The following PDE8A variants were observed in gnomAD, a reference collection of about 807,000 sequenced individuals.
PDE8A encodes high affinity cAMP-specific and IBMX-insensitive 3',5'-cyclic phosphodiesterase 8A.
A neutral mutation model predicts 105.0 loss-of-function variants in PDE8A; 59 were observed. The ratio of observed to expected loss-of-function variants is 0.56; its 90% CI spans 0.46 to 0.70. The LOEUF is 0.70. Ranked by LOEUF, PDE8A falls within the 30% of genes least tolerant of loss-of-function variation. PDE8A has a pLI of 0.00. For synonymous variants in PDE8A, 355 were observed against 371.9 expected, an observed-to-expected ratio of 0.95 and a Z score of 0.52; for missense variants, 1,014 against 1,045.9, an observed-to-expected ratio of 0.97 and a Z score of 0.42.
At chr15:85,117,587 C>A in intron 16 of PDE8A, 54 bp from the exon 17 acceptor site, 1 of 1,475,084 alleles carries the variant, frequency 6.8e-7, no homozygotes, top group Non-Finnish European at 9.5e-7. Context: ...GCCTTAAACA[C>A]TTGGCCTGTT....
At chr15:85,079,689 G>T (rs762569123) in intron 5 of PDE8A, among the ~76,000 whole-genome samples, 1 of 152,240 alleles carries the variant, frequency 6.6e-6, no homozygotes, top group Non-Finnish European at 1.5e-5. Context: ...GAGGCAGGTG[G>T]ATCACCTGAG....
chr15:85,051,966 T>TC (rs1020733500), intron 1 of PDE8A, among the ~76,000 whole-genome samples: 5 of 148,658 alleles, frequency 3.4e-5, no homozygotes, highest in African/African-American at 7.4e-5. Context: ...TGCTATCCCC[T>TC]CCCCCCTCCC....
intron 4 of PDE8A, among the ~76,000 whole-genome samples, chr15:85,076,463 A>G (rs1457006679): frequency 6.6e-6 from 1 of 151,928 alleles, no homozygotes; most frequent in Admixed American, 6.6e-5. Flanking sequence ...TAAAAATTTT[A>G]TATATTAAAA....
chr15:85,072,512 T>C lies in PDE8A; in HGVS notation c.435-3350T>C, dbSNP rs544636326. ...GGCCAATGGACCTATCATGTGTATC[T>C]TCTGGAAAGTATACTTAGGGAAGGA... On this transcript the variant is annotated intron_variant, in intron 3 of 21. Transcript: ENST00000394553. 7.2e-5 allele frequency among the ~76,000 whole-genome samples: 11 copies of C among 152,340 alleles called. No homozygotes were observed. The East Asian group carries it at 1.7e-3, about 24-fold the overall frequency.
In PDE8A at chr15:85,139,089, T is replaced by A. The variant is rs749660891; in HGVS notation, c.*1186T>A. 5 of 152,228 alleles carry A rather than the reference T, an allele frequency of 3.3e-5. No individual in the cohort carries two copies. The highest frequency in any genetic ancestry group is 7.3e-5 in the Non-Finnish European group (5 of 68,042). The allele number at this position is 152,228 out of a possible 1,614,324, so 9.4% of individuals were successfully genotyped here. ...TTTGTCATTTCATTTTAAACTCGTA[T>A]TTGTGGTTTTTTTCCCAGATAAAAA... is the stretch of plus-strand genomic sequence containing the variant. On this transcript the variant is annotated 3_prime_UTR_variant, in exon 22 of 22. Transcript: ENST00000394553.
chr15:85,100,311 G>A (rs1429252387), intron 11 of PDE8A, 113 bp downstream of exon 11: 10 of 919,686 alleles, frequency 1.1e-5, no homozygotes, highest in African/African-American at 1.7e-5. Context: ...CTCAGACTGT[G>A]GCAACATTTC....
intron 3 of PDE8A, among the ~76,000 whole-genome samples, chr15:85,068,871 C>T (rs956568501): frequency 6.6e-6 from 1 of 152,114 alleles, no homozygotes; most frequent in African/African-American, 2.4e-5. Context: ...TGGTTACGCT[C>T]CACTGTTAAA....
intron 1 of PDE8A, among the ~76,000 whole-genome samples, chr15:84,995,654 C>T (rs987832710): frequency 2.6e-5 from 4 of 152,070 alleles, no homozygotes; most frequent in Admixed American, 6.5e-5. Context: ...TTTCCCTAAG[C>T]GTTATGTTTT....
chr15:85,009,100 AGAGAGAGAGAGTGTGTGTGT>A (rs761866424), intron 1 of PDE8A, among the ~76,000 whole-genome samples: 3 of 78,324 alleles, frequency 3.8e-5, no homozygotes, highest in Non-Finnish European at 8.2e-5. Flanking sequence ...TGAGAGAGAG[AGAGAGAGAGAGTGTGTGTGT>A]GTGTGTGTGT....
chr15:84,996,836 A>AAG lies in PDE8A; in HGVS notation c.186+14489_186+14490insGA, dbSNP rs1306006598. Reference sequence around the variant, plus strand: ...GCAAGACTCTCTCAAAAAAAAAAAAAAAAAAAAAAAAAAAGGTGGTACACT... The same window carrying AAG: ...GCAAGACTCTCTCAAAAAAAAAAAAAAGAAAAAAAAAAAAAAGGTGGTACACT... On this transcript the variant is annotated intron_variant, in intron 1 of 21. Coordinates refer to ENST00000394553, the MANE Select transcript of PDE8A (RefSeq NM_002605.3). Among the ~76,000 whole-genome samples, 18 of 149,082 alleles carry AAG rather than the reference A, an allele frequency of 1.2e-4. 1 individual carries two copies. Among genetic ancestry groups the AAG allele is most frequent in the African/African-American group, 4.4e-4 (18 of 40,732 alleles).
chr15:85,128,813 A>C (rs1469297817), intron 20 of PDE8A, among the ~76,000 whole-genome samples: 1 of 152,242 alleles, frequency 6.6e-6, no homozygotes, highest in Non-Finnish European at 1.5e-5. Context: ...TGGGAAATTC[A>C]AATTAAAACC....
intron 1 of PDE8A, among the ~76,000 whole-genome samples, chr15:84,999,206 T>A (rs908095848): frequency 1.3e-4 from 19 of 151,250 alleles, no homozygotes; most frequent in African/African-American, 4.1e-4. Flanking sequence ...CTGCAACCTC[T>A]GCCTCCTGGG....
At chr15:85,075,481 T>C (rs899004959) in intron 3 of PDE8A, among the ~76,000 whole-genome samples, 3 of 152,226 alleles carry the variant, frequency 2.0e-5, no homozygotes, top group Admixed American at 1.3e-4. Context: ...CATCATCTTG[T>C]GGTAATAGAC....
At chr15:85,077,568 C>T (rs2141485439) in intron 5 of PDE8A, among the ~76,000 whole-genome samples, 1 of 152,292 alleles carries the variant, frequency 6.6e-6, no homozygotes, top group East Asian at 1.9e-4. Context: ...CGCAGAGGAT[C>T]TCCATAAATA....
intron 11 of PDE8A, among the ~76,000 whole-genome samples, chr15:85,106,477 A>C (rs1437434776): frequency 1.3e-5 from 2 of 148,428 alleles, no homozygotes; most frequent in Non-Finnish European, 2.9e-5. Context: ...GTTGAGTGGA[A>C]TAAAAGAGAG....
At position 85,114,014 on chromosome 15, in the gene PDE8A, G is replaced by C. The variant is rs201164178; in HGVS notation, c.1327G>C (p.Asp443His). The change falls in exon 14 of 22, where the codon GAC becomes CAC. Residue 443 changes from aspartate to histidine, a missense_variant. By Grantham distance (81) the Asp-to-His change is moderately conservative. Coordinates refer to ENST00000394553, the MANE Select transcript of PDE8A (RefSeq NM_002605.3). ...TAAAGATGATGATCCCCATGCCAAT[G>C]ACCTTGTTGGGGGCTTAATGTCTGT... Reference protein sequence around the residue: ...GAKDDDPHANDLVGGLMSDGL... With the variant: ...GAKDDDPHANHLVGGLMSDGL... 397 of 1,613,754 alleles carry C rather than the reference G, an allele frequency of 2.5e-4. No homozygotes were observed. The highest frequency in any genetic ancestry group is 3.1e-4 in the Non-Finnish European group (367 of 1,179,750).
intron 3 of PDE8A, 101 bp from the exon 4 acceptor site, chr15:85,075,761 T>G: frequency 1.6e-6 from 1 of 643,220 alleles, no homozygotes; most frequent in Non-Finnish European, 2.7e-6. Flanking sequence ...TTACTCTCCC[T>G]TCTACCCCTC....
intron 1 of PDE8A, among the ~76,000 whole-genome samples, chr15:85,058,274 T>G (rs1254498184): frequency 6.6e-6 from 1 of 151,822 alleles, no homozygotes; most frequent in Non-Finnish European, 1.5e-5. Context: ...TTTTATAGAG[T>G]TAGGGTCTCG....
chr15:85,087,971 C>T (rs1189186986), intron 6 of PDE8A, among the ~76,000 whole-genome samples: 5 of 152,168 alleles, frequency 3.3e-5, no homozygotes, highest in South Asian at 2.1e-4. Flanking sequence ...TTTAAACAGC[C>T]TTATTAAGGT....
Sources: gnomAD v4.1 joint callset for allele counts (sites outside exome capture counted in the v4.1 genomes callset) on GRCh38, gnomAD v4.1.1 for gene constraint, MANE v1.5 for transcripts, NCBI Gene and HGNC (gene_info 2026-07-23, HGNC 2026-07-21) for gene names.